The following RBFOX1 variants were observed in gnomAD, a reference collection of about 807,000 sequenced individuals.
RBFOX1 encodes RNA binding protein fox-1 homolog 1.
Under a neutral mutation model 57.7 loss-of-function variants are expected in RBFOX1, and 8 were observed. That is an observed-to-expected ratio of 0.14 (90% CI 0.08 to 0.25). RBFOX1 has a LOEUF of 0.25. Among genes scored for constraint, RBFOX1 ranks in the 10% least tolerant of loss-of-function variants. The probability of loss-of-function intolerance (pLI) is 1.00; values close to 1 mark genes in which losing one functional copy is unlikely to be tolerated. For missense variants in RBFOX1, 611 were observed against 548.5 expected (o/e 1.11, Z -1.14); for synonymous variants, 326 against 222.4 (o/e 1.47, Z -4.15).
chr16:7,068,915 C>A (rs755347990), intron 4 of RBFOX1, among the ~76,000 whole-genome samples: 2 of 152,152 alleles, frequency 1.3e-5, no homozygotes, highest in African/African-American at 2.4e-5. Flanking sequence ...CTTGATAGTT[C>A]TGTTGATTTC....
intron 3 of RBFOX1, among the ~76,000 whole-genome samples, chr16:6,880,484 G>A (rs1647157222): frequency 6.6e-6 from 1 of 152,180 alleles, no homozygotes; most frequent in South Asian, 2.1e-4. Flanking sequence ...GTGGACAAAT[G>A]ATGCAAAAGC....
intron 13 of RBFOX1, among the ~76,000 whole-genome samples, chr16:7,666,750 A>G (rs2145804429): frequency 6.6e-6 from 1 of 152,370 alleles, no homozygotes; most frequent in East Asian, 1.9e-4. Flanking sequence ...AAATATGCCA[A>G]CCACTTGACT....
intron 3 of RBFOX1, among the ~76,000 whole-genome samples, chr16:6,754,925 G>A (rs1382710172): frequency 6.6e-6 from 1 of 151,720 alleles, no homozygotes; most frequent in Non-Finnish European, 1.5e-5. Context: ...TCATTGTTCA[G>A]TTCCCACCTA....
chr16:6,525,722 T>C (rs180718629), intron 2 of RBFOX1, among the ~76,000 whole-genome samples: 3 of 151,986 alleles, frequency 2.0e-5, no homozygotes, highest in Non-Finnish European at 4.4e-5. Context: ...TTTTAGGTGG[T>C]GGAAAGGAGG....
intron 2 of RBFOX1, among the ~76,000 whole-genome samples, chr16:6,540,336 T>C (rs1212991657): frequency 2.7e-5 from 4 of 149,972 alleles, no homozygotes; most frequent in African/African-American, 4.9e-5. Context: ...AACTCAGGCC[T>C]AGCGTGGTGG....
intron 5 of RBFOX1, among the ~76,000 whole-genome samples, chr16:7,546,300 C>T (rs1006589489): frequency 2.6e-5 from 4 of 151,408 alleles, no homozygotes; most frequent in African/African-American, 9.7e-5. Flanking sequence ...GCACTCTAGC[C>T]TGGGCAAAAG....
intron 3 of RBFOX1, among the ~76,000 whole-genome samples, chr16:7,015,054 A>G (rs909446472): frequency 6.6e-6 from 1 of 152,174 alleles, no homozygotes; most frequent in Non-Finnish European, 1.5e-5. Context: ...TCCTGAATGC[A>G]GGGATTCTGT....
chr16:7,471,503 A>G (rs2150936975), intron 4 of RBFOX1, among the ~76,000 whole-genome samples: 1 of 152,326 alleles, frequency 6.6e-6, no homozygotes, highest in East Asian at 1.9e-4. Context: ...TTGTTAAAAG[A>G]CATAAGGTTG....
chr16:5,919,070 G>A (rs2058764971), intron 4 of RBFOX1, among the ~76,000 whole-genome samples: 1 of 152,188 alleles, frequency 6.6e-6, no homozygotes, highest in Non-Finnish European at 1.5e-5. Context: ...TCTGAGAGCT[G>A]AGGCAGTTTC....
chr16:7,480,987 C>T (rs948726996), intron 4 of RBFOX1, among the ~76,000 whole-genome samples: 1 of 152,122 alleles, frequency 6.6e-6, no homozygotes, highest in African/African-American at 2.4e-5. Flanking sequence ...AGGGCTGCTA[C>T]CTGCCATGCA....
At chr16:6,135,255 G>C (rs1262638178) in intron 1 of RBFOX1, among the ~76,000 whole-genome samples, 1 of 152,176 alleles carries the variant, frequency 6.6e-6, no homozygotes, top group Non-Finnish European at 1.5e-5. Context: ...GAGGTTTTCA[G>C]CTGCAGAACA....
At chr16:7,119,587 A>G (rs1047780679) in intron 4 of RBFOX1, among the ~76,000 whole-genome samples, 15 of 152,128 alleles carry the variant, frequency 9.9e-5, no homozygotes, top group Admixed American at 9.2e-4. Flanking sequence ...GAAAAACAAC[A>G]ACAAAAAACC....
chr16:7,362,315 T>A (rs2097341630), intron 4 of RBFOX1, among the ~76,000 whole-genome samples: 1 of 151,752 alleles, frequency 6.6e-6, no homozygotes, highest in Non-Finnish European at 1.5e-5. Context: ...TTTGCGTGTG[T>A]GTGTGTATGT....
At chr16:6,957,450 G>A (rs944458219) in intron 3 of RBFOX1, among the ~76,000 whole-genome samples, 7 of 152,248 alleles carry the variant, frequency 4.6e-5, no homozygotes, top group East Asian at 3.9e-4. Flanking sequence ...GATTATTCAT[G>A]CCTCCGCTTG....
intron 2 of RBFOX1, among the ~76,000 whole-genome samples, chr16:5,547,774 C>G (rs2045276135): frequency 6.6e-6 from 1 of 152,116 alleles, no homozygotes; most frequent in Non-Finnish European, 1.5e-5. Flanking sequence ...AGGCCATTAT[C>G]CTAAGCGAAT....
intron 3 of RBFOX1, among the ~76,000 whole-genome samples, chr16:7,007,616 C>T (rs188980994): frequency 3.3e-5 from 5 of 152,274 alleles, no homozygotes; most frequent in Admixed American, 3.3e-4. Flanking sequence ...CTGTTTTAGT[C>T]ATTCTTTCAA....
At chr16:5,630,158 G>A (rs1037675933) in intron 3 of RBFOX1, among the ~76,000 whole-genome samples, 2 of 152,154 alleles carry the variant, frequency 1.3e-5, no homozygotes, top group Non-Finnish European at 2.9e-5. Flanking sequence ...AGATCAAGGA[G>A]GAAGCATAGG....
chr16:7,328,128 C>T (rs2096635871), intron 4 of RBFOX1, among the ~76,000 whole-genome samples: 1 of 152,138 alleles, frequency 6.6e-6, no homozygotes, highest in Non-Finnish European at 1.5e-5. Context: ...CCTCAGCCTC[C>T]AGAGTGGCGG....
At chr16:5,278,318 T>G (rs2063190542) in intron 1 of RBFOX1, among the ~76,000 whole-genome samples, 1 of 152,228 alleles carries the variant, frequency 6.6e-6, no homozygotes, top group Non-Finnish European at 1.5e-5. Context: ...GTAATGTCTA[T>G]TTTTTGATAG....
Sources: gnomAD v4.1 joint callset for allele counts (sites outside exome capture counted in the v4.1 genomes callset) on GRCh38, gnomAD v4.1.1 for gene constraint, MANE v1.5 for transcripts, NCBI Gene and HGNC (gene_info 2026-07-23, HGNC 2026-07-21) for gene names.